The following CDH13 variants were observed in gnomAD, a reference collection of about 807,000 sequenced individuals.
CDH13 encodes the protein cadherin 13.
Under a neutral mutation model 63.8 loss-of-function variants are expected in CDH13, and 24 were observed. The ratio of observed to expected loss-of-function variants is 0.38; its 90% CI spans 0.27 to 0.53. The LOEUF is 0.53. Ranked by LOEUF, CDH13 falls within the 20% of genes least tolerant of loss-of-function variation. CDH13 has a pLI of 0.85. For synonymous variants in CDH13, 503 were observed against 355.3 expected (o/e 1.42, Z -4.67); for missense variants, 1,049 against 903.1 (o/e 1.16, Z -2.07).
intron 2 of CDH13, among the ~76,000 whole-genome samples, chr16:82,994,871 T>C (rs563739236): frequency 6.6e-6 from 1 of 152,142 alleles, no homozygotes; most frequent in South Asian, 2.1e-4. Flanking sequence ...ACTTTGGACA[T>C]AGAGACAGAT....
At chr16:83,528,070 C>G (rs895366922) in intron 7 of CDH13, among the ~76,000 whole-genome samples, 2 of 152,158 alleles carry the variant, frequency 1.3e-5, no homozygotes, top group Non-Finnish European at 2.9e-5. Context: ...AGTGGGCCCC[C>G]TACACACAGG....
At chr16:83,475,594 G>C (rs1235882554) in intron 6 of CDH13, among the ~76,000 whole-genome samples, 2 of 152,048 alleles carry the variant, frequency 1.3e-5, no homozygotes, top group Non-Finnish European at 2.9e-5. Context: ...TGTTGTTACT[G>C]TTTTTGAGAC....
chr16:83,405,912 C>G (rs944497140), intron 6 of CDH13, among the ~76,000 whole-genome samples: 1 of 152,306 alleles, frequency 6.6e-6, no homozygotes, highest in Admixed American at 6.5e-5. Flanking sequence ...TGAAGGCACA[C>G]AGTTCAAAGT....
chr16:83,372,750 A>G (rs12716735), intron 6 of CDH13, among the ~76,000 whole-genome samples: 1 of 60,512 alleles, frequency 1.7e-5, no homozygotes, highest in Admixed American at 1.4e-4. Flanking sequence ...GACTCGGTCT[A>G]AAAAAAAAAA....
chr16:82,977,392 C>G (rs749644791), intron 2 of CDH13, among the ~76,000 whole-genome samples: 2 of 152,140 alleles, frequency 1.3e-5, no homozygotes, highest in African/African-American at 4.8e-5. Context: ...GTGTCCCCAC[C>G]CAAATCTCAT....
intron 2 of CDH13, among the ~76,000 whole-genome samples, chr16:82,933,699 C>T (rs1326099139): frequency 6.6e-6 from 1 of 152,148 alleles, no homozygotes; most frequent in South Asian, 2.1e-4. Flanking sequence ...TTCCTAGATA[C>T]AATGGAGATA....
At chr16:83,214,703 T>G (rs1321205572) in intron 4 of CDH13, among the ~76,000 whole-genome samples, 1 of 152,006 alleles carries the variant, frequency 6.6e-6, no homozygotes, top group African/African-American at 2.4e-5. Flanking sequence ...AATTATTAGC[T>G]TTGATTAACT....
At chr16:83,041,712 C>G (rs959106774) in intron 3 of CDH13, among the ~76,000 whole-genome samples, 4 of 152,032 alleles carry the variant, frequency 2.6e-5, no homozygotes, top group Middle Eastern at 3.2e-3. Context: ...CTGAAATGAC[C>G]AAAAATCAGA....
At chr16:83,255,219 A>C (rs1442122040) in intron 5 of CDH13, among the ~76,000 whole-genome samples, 1 of 152,162 alleles carries the variant, frequency 6.6e-6, no homozygotes, top group Admixed American at 6.5e-5. Flanking sequence ...GGCACATTAT[A>C]ACTTCTCCAG....
chr16:83,443,932 TAA>T (rs58663882), intron 6 of CDH13, among the ~76,000 whole-genome samples: 12 of 129,724 alleles, frequency 9.3e-5, no homozygotes, highest in Admixed American at 2.3e-4. Context: ...AAACCGTTTC[TAA>T]AAAAAAAAAA....
chr16:83,401,340 A>C, intron 6 of CDH13, among the ~76,000 whole-genome samples: 1 of 143,556 alleles, frequency 7.0e-6, no homozygotes, highest in Non-Finnish European at 1.5e-5. Flanking sequence ...CTCCATCTCA[A>C]AAAAAAAAAA....
intron 2 of CDH13, among the ~76,000 whole-genome samples, chr16:82,885,098 C>A (rs966414520): frequency 6.6e-6 from 1 of 152,162 alleles, no homozygotes; most frequent in Non-Finnish European, 1.5e-5. Context: ...TTGTTCAGCT[C>A]TTGTTCTACC....
intron 6 of CDH13, among the ~76,000 whole-genome samples, chr16:83,421,779 T>C (rs547484147): frequency 1.3e-5 from 2 of 152,334 alleles, no homozygotes; most frequent in East Asian, 1.9e-4. Context: ...GCCAACAAGA[T>C]TGGCCACAGT....
At chr16:82,981,399 C>T (rs1460273110) in intron 2 of CDH13, among the ~76,000 whole-genome samples, 1 of 152,088 alleles carries the variant, frequency 6.6e-6, no homozygotes, top group Non-Finnish European at 1.5e-5. Context: ...TCCTTGACCC[C>T]CTCCTTGGAG....
chr16:83,780,190 C>T lies in CDH13; in HGVS notation c.1904C>T (p.Ser635Phe). 6.3e-7 allele frequency: 1 copy of T among 1,591,912 alleles called. No homozygotes were observed. The highest frequency in any genetic ancestry group is 8.6e-7 in the Non-Finnish European group (1 of 1,166,074). Reference protein sequence around the residue: ...QAVPDKVWKISKINNTHALVS... With the variant: ...QAVPDKVWKIFKINNTHALVS... The stretch of plus-strand genomic sequence containing the variant: ...GTTCCTGATAAAGTCTGGAAGATCT[C>T]CAAGATCAACAGTAAGTCTGGCTAA... Residue 635 changes from serine to phenylalanine, a missense_variant, in exon 12 of 14, where the codon TCC (serine) becomes TTC (phenylalanine). Coordinates refer to ENST00000567109, the MANE Select transcript of CDH13 (RefSeq NM_001257.5).
intron 7 of CDH13, among the ~76,000 whole-genome samples, chr16:83,494,934 A>G (rs761839062): frequency 4.8e-4 from 73 of 152,300 alleles, no homozygotes; most frequent in Middle Eastern, 3.4e-3. Context: ...ACATTCAACA[A>G]TGAAAGGCAC....
At chr16:82,646,423 A>C (rs1377293338) in intron 1 of CDH13, 1 of 152,088 alleles carries the variant, frequency 6.6e-6, no homozygotes, top group Non-Finnish European at 1.5e-5. Context: ...CAAACTCCTG[A>C]CCTCAAGTGA....
At chr16:83,164,786 A>G (rs767177172) in intron 4 of CDH13, among the ~76,000 whole-genome samples, 16 of 152,000 alleles carry the variant, frequency 1.1e-4, no homozygotes, top group Non-Finnish European at 2.1e-4. Context: ...TGCCAGTAAT[A>G]GAGACTACCA....
intron 1 of CDH13, among the ~76,000 whole-genome samples, chr16:82,801,541 C>T (rs567488479): frequency 5.7e-4 from 87 of 152,254 alleles, no homozygotes; most frequent in Non-Finnish European, 1.0e-3. Flanking sequence ...AAGCCACAAA[C>T]GGCAGCTAGG....
Sources: gnomAD v4.1 joint callset for allele counts (sites outside exome capture counted in the v4.1 genomes callset) on GRCh38, gnomAD v4.1.1 for gene constraint, MANE v1.5 for transcripts, NCBI Gene and HGNC (gene_info 2026-07-23, HGNC 2026-07-21) for gene names.